CERS4: variants seen among roughly 807,000 people sequenced by gnomAD.
CERS4 encodes the protein LAG1 homolog, ceramide synthase 4.
CERS4 carries 65 observed loss-of-function variants against 51.8 expected under a neutral mutation model. That is an observed-to-expected ratio of 1.26 (90% CI 1.03 to 1.54). The LOEUF (loss-of-function observed/expected upper bound fraction) is 1.54. Among genes scored for constraint, CERS4 ranks in the 40% most tolerant of loss-of-function variants. CERS4 has a pLI of 0.00. For synonymous variants in CERS4, 228 were observed against 208.4 expected (o/e 1.09, Z -0.81); for missense variants, 563 against 500.4 (o/e 1.13, Z -1.19).
At chr19:8,227,600 C>T (rs906634499) in intron 2 of CERS4, among the ~76,000 whole-genome samples, 3 of 151,982 alleles carry the variant, frequency 2.0e-5, no homozygotes, top group Non-Finnish European at 4.4e-5. Flanking sequence ...TCTCAGCCTC[C>T]CAAAGTGCTC....
chr19:8,252,442 C>CTT (rs58506162), intron 3 of CERS4, among the ~76,000 whole-genome samples: 10 of 148,668 alleles, frequency 6.7e-5, no homozygotes, highest in African/African-American at 2.5e-4. Flanking sequence ...GGCTGGCTAA[C>CTT]TTTTTTTTTT....
At chr19:8,224,014 A>G (rs1967670616) in intron 2 of CERS4, among the ~76,000 whole-genome samples, 1 of 149,908 alleles carries the variant, frequency 6.7e-6, no homozygotes, top group South Asian at 2.2e-4. Flanking sequence ...AGGCAGGAGA[A>G]TTGCTTGAAC....
chr19:8,237,738 C>G (rs983225849), intron 2 of CERS4, among the ~76,000 whole-genome samples: 33 of 152,012 alleles, frequency 2.2e-4, no homozygotes, highest in Admixed American at 3.3e-4. Flanking sequence ...GTAGTCCCAG[C>G]TACTCAGGAG....
intron 4 of CERS4, among the ~76,000 whole-genome samples, 183 bp from the exon 5 acceptor site, chr19:8,255,424 G>T (rs1385576396): frequency 6.6e-6 from 1 of 152,130 alleles, no homozygotes; most frequent in Non-Finnish European, 1.5e-5. Flanking sequence ...TTCTCTTAGG[G>T]CCCAAGTGTT....
chr19:8,237,027 A>AAAAC (rs56998288), intron 2 of CERS4, among the ~76,000 whole-genome samples: 2 of 147,746 alleles, frequency 1.4e-5, no homozygotes, highest in Non-Finnish European at 3.0e-5. Context: ...AAAAAAAAAA[A>AAAAC]CGAAAAGGAG....
rs1413247327 is a variant in CERS4 at position 8,262,041 on chromosome 19, G to A, written c.1117G>A (p.Ala373Thr). 5 of 1,554,118 alleles carry A rather than the reference G, an allele frequency of 3.2e-6. No homozygotes were observed. Among genetic ancestry groups the A allele is most frequent in the Non-Finnish European group, 4.3e-6 (5 of 1,154,194 alleles). ...CGGGGCAGCTGGAGGGCCCAGGCCA[G>A]CCCCCACTGATGGCCCTCGGAGCCG... is the stretch of plus-strand genomic sequence containing the variant. ...KNGAAGGPRP[A>T]PTDGPRSRVA... The change falls in exon 12 of 12, where the codon GCC (alanine) becomes ACC (threonine). Residue 373 changes from alanine (A) to threonine (T), a missense_variant. Transcript: ENST00000251363.
Position 8,255,399 on chromosome 19 carries a change from A to T in CERS4, c.292-208A>T, listed in dbSNP as rs566405919. Among the ~76,000 whole-genome samples the T allele has an allele frequency of 1.3e-4, 20 of 152,238 alleles. No homozygotes were observed. The East Asian group carries it at 3.9e-3, about 29-fold the overall frequency. On this transcript the variant is annotated intron_variant, in intron 4 of 11. Coordinates refer to ENST00000251363, the MANE Select transcript of CERS4 (RefSeq NM_024552.3). ...TCCCCGTCAGCGACCTGCCTGCCCT[A>T]TGAACAGGATTTGCTTCTCTTAGGG...
At chr19:8,247,844 C>T (rs1444430856) in intron 2 of CERS4, among the ~76,000 whole-genome samples, 2 of 151,502 alleles carry the variant, frequency 1.3e-5, no homozygotes, top group African/African-American at 4.9e-5. Flanking sequence ...AGTGATTCTC[C>T]TGCCTCAGCC....
In CERS4 at chr19:8,255,971, A is replaced by C; in HGVS notation, c.468+92A>C. The C allele has an allele frequency of 3.7e-6, 5 of 1,365,058 alleles. No homozygotes were observed. In the Admixed American group the frequency reaches 6.9e-5, roughly 19 times the overall value. 84.6% of individuals were successfully genotyped at this position (1,365,058 alleles called of 1,614,324 possible). ...TGGGGGTGTGGAGTGGTGCAGCCAG[A>C]GAGGAAAACATGCAGCTGAGGAGAG... is the stretch of plus-strand genomic sequence containing the variant. On this transcript the variant is annotated intron_variant, in intron 6 of 11. Coordinates refer to ENST00000251363, the MANE Select transcript of CERS4 (RefSeq NM_024552.3).
chr19:8,235,112 A>G (rs904817085), intron 2 of CERS4, among the ~76,000 whole-genome samples: 3 of 148,762 alleles, frequency 2.0e-5, no homozygotes, highest in East Asian at 2.0e-4. Flanking sequence ...GGGTTCAAGC[A>G]ATTCTCCTGA....
At chr19:8,254,467 G>A (rs767181342) in intron 3 of CERS4, 32 bp from the exon 4 acceptor site, 3 of 1,604,836 alleles carry the variant, frequency 1.9e-6, no homozygotes, top group East Asian at 2.2e-5. Context: ...CTCTTCACCT[G>A]GGCTGATAGG....
At chr19:8,230,259 G>A (rs910247530) in intron 2 of CERS4, among the ~76,000 whole-genome samples, 7 of 150,680 alleles carry the variant, frequency 4.6e-5, no homozygotes, top group Non-Finnish European at 1.0e-4. Flanking sequence ...CTCAGATCTC[G>A]GCTCACTCCA....
At chr19:8,236,337 T>C (rs1411366769) in intron 2 of CERS4, among the ~76,000 whole-genome samples, 2 of 152,168 alleles carry the variant, frequency 1.3e-5, no homozygotes, top group Non-Finnish European at 2.9e-5. Flanking sequence ...AAGGTTTTCT[T>C]TGGAGGGGGA....
intron 10 of CERS4, among the ~76,000 whole-genome samples, chr19:8,259,124 ACTCTGTCT>A (rs1270892252): frequency 3.3e-5 from 5 of 152,146 alleles, no homozygotes; most frequent in Non-Finnish European, 7.4e-5. Context: ...ACAGAGCAAG[ACTCTGTCT>A]CTAAATAAAA....
intron 2 of CERS4, among the ~76,000 whole-genome samples, chr19:8,215,231 C>T (rs531127655): frequency 4.8e-4 from 73 of 152,190 alleles, no homozygotes; most frequent in South Asian, 1.7e-3. Flanking sequence ...GTGATCCCAG[C>T]ACTTTGGGAG....
chr19:8,235,172 C>A (rs79864189), intron 2 of CERS4, among the ~76,000 whole-genome samples: 3 of 151,530 alleles, frequency 2.0e-5, no homozygotes, highest in African/African-American at 7.3e-5. Context: ...CCATGCCTGG[C>A]TAATTTTTGT....
chr19:8,257,050 A>T lies in CERS4; in HGVS notation c.714A>T (p.Leu238Phe). The T allele has an allele frequency of 6.2e-7, 1 of 1,610,584 alleles. No homozygotes were observed. The highest frequency in any genetic ancestry group is 8.5e-7 in the Non-Finnish European group (1 of 1,177,858). Residue 238 changes from leucine to phenylalanine, a missense_variant, in exon 9 of 12, where the codon TTA (leucine) becomes TTT (phenylalanine). Physicochemically the swap from Leu to Phe is conservative, Grantham distance 22 (BLOSUM62 0). Transcript: ENST00000251363. ...LLRIGSLVLL[L>F]HDSSDYLLEA... ...GCATTGGCTCTCTGGTGCTGCTGTT[A>T]CACGATTCCTCTGACTACCTGCTGG...
chr19:8,262,364 T>G lies in CERS4; in HGVS notation c.*255T>G. 2 of 389,406 alleles carry G rather than the reference T, an allele frequency of 5.1e-6. No individual in the cohort carries two copies. The highest frequency in any genetic ancestry group is 4.5e-6 in the Non-Finnish European group (1 of 221,048). 24.1% of individuals were successfully genotyped at this position (389,406 alleles called of 1,614,324 possible). ...CCAGAGACACCTCCAGGCTGTGGCC[T>G]GGGGGCTGGGGGGAGCCCCAGGCTG... On this transcript the variant is annotated 3_prime_UTR_variant, in exon 12 of 12. Coordinates refer to ENST00000251363, the MANE Select transcript of CERS4 (RefSeq NM_024552.3).
intron 10 of CERS4, chr19:8,261,330 T>G (rs975338367): frequency 2.0e-5 from 5 of 245,228 alleles, no homozygotes; most frequent in Non-Finnish European, 1.6e-5. Context: ...CCCTCCCCTA[T>G]GAGGTGAGTA....
Sources: gnomAD v4.1 joint callset for allele counts (sites outside exome capture counted in the v4.1 genomes callset) on GRCh38, gnomAD v4.1.1 for gene constraint, MANE v1.5 for transcripts, NCBI Gene and HGNC (gene_info 2026-07-23, HGNC 2026-07-21) for gene names.